Variants in SP3 observed in about 807,000 individuals in gnomAD.
SP3 encodes transcription factor Sp3.
In SP3, 10 loss-of-function variants were observed where a neutral mutation model predicts 70.3. The ratio of observed to expected loss-of-function variants is 0.14; its 90% CI spans 0.09 to 0.24. The LOEUF (loss-of-function observed/expected upper bound fraction) is 0.24. SP3 is among the 10% of genes least tolerant of loss of function. The pLI is 1.00. For synonymous variants in SP3, 402 were observed against 333.5 expected, an observed-to-expected ratio of 1.21 and a Z score of -2.24; for missense variants, 825 against 914.6, an observed-to-expected ratio of 0.90 and a Z score of 1.26.
intron 1 of SP3, 112 bp downstream of exon 1, chr2:173,965,053 A>T: frequency 7.2e-7 from 1 of 1,393,988 alleles, no homozygotes; most frequent in Non-Finnish European, 9.8e-7. Context: ...TCTCACAGAC[A>T]CTCGGTCGCA....
intron 4 of SP3, among the ~76,000 whole-genome samples, chr2:173,925,546 A>C (rs958421448): frequency 4.6e-5 from 7 of 152,210 alleles, no homozygotes; most frequent in Admixed American, 3.9e-4. Flanking sequence ...AAAAATTGTT[A>C]AGATGGTAAA....
intron 4 of SP3, among the ~76,000 whole-genome samples, chr2:173,927,037 G>C (rs1317760120): frequency 6.6e-6 from 1 of 152,090 alleles, no homozygotes; most frequent in African/African-American, 2.4e-5. Context: ...GAAGGCAAAA[G>C]GAGAGCTGGC....
chr2:173,938,764 A>C (rs1465101749), intron 4 of SP3, among the ~76,000 whole-genome samples: 1 of 152,160 alleles, frequency 6.6e-6, no homozygotes, highest in Non-Finnish European at 1.5e-5. Context: ...GAAAGATGTC[A>C]ACCTGAAGGT....
In SP3 at chr2:173,906,332, TTTC is replaced by T. The variant is rs1358992117; in HGVS notation, c.*3606_*3608del. On this transcript the variant is annotated 3_prime_UTR_variant, in exon 7 of 7. Coordinates refer to ENST00000310015, the MANE Select transcript of SP3 (RefSeq NM_003111.5). ...TGAACAAGGCAAGGGGCCAATGTTG[TTTC>T]TTCAACACTAAATAAAATTATGAGG... 6.6e-6 allele frequency: 1 copy of T among 152,194 alleles called. No homozygotes were observed. Among genetic ancestry groups the T allele is most frequent in the East Asian group, 1.9e-4 (1 of 5,198 alleles). The allele number at this position is 152,194 out of a possible 1,614,324, so 9.4% of individuals were successfully genotyped here.
Position 173,963,894 on chromosome 2 carries a change from T to G in SP3, c.157-11A>C. The stretch of plus-strand genomic sequence containing the variant: ...TGACGGCTGAGTGTCCTACCCCCAA[T>G]GGGCGGGTTCAGAGAGGGAGACAGG... On this transcript the variant is annotated splice_polypyrimidine_tract_variant and intron_variant, in intron 2 of 6. Coordinates refer to ENST00000310015, the MANE Select transcript of SP3 (RefSeq NM_003111.5). 4 of 1,463,054 alleles carry G rather than the reference T, an allele frequency of 2.7e-6. No individual in the cohort carries two copies. The highest frequency in any genetic ancestry group is 2.2e-5 in the Admixed American group (1 of 44,540). The allele number at this position is 1,463,054 out of a possible 1,614,324, so 90.6% of individuals were successfully genotyped here. A position where few individuals can be genotyped will look rare whatever the true frequency, so the allele number is the denominator to read the frequency against.
At chr2:173,958,988 T>G (rs188515734) in intron 3 of SP3, among the ~76,000 whole-genome samples, 1 of 152,268 alleles carries the variant, frequency 6.6e-6, no homozygotes, top group Admixed American at 6.5e-5. Flanking sequence ...GAGAATAGAT[T>G]TGAAAAACAT....
chr2:173,920,531 C>CGGG (rs1559092677), intron 4 of SP3, among the ~76,000 whole-genome samples: 1 of 151,782 alleles, frequency 6.6e-6, no homozygotes, highest in Non-Finnish European at 1.5e-5. Flanking sequence ...TGTGCAGGGG[C>CGGG]GGGGGGTAAG....
intron 5 of SP3, chr2:173,916,062 T>C (rs2105457231): frequency 6.6e-6 from 1 of 152,228 alleles, no homozygotes; most frequent in South Asian, 2.1e-4. Flanking sequence ...TTGGATTTAC[T>C]ACCTATGTTA....
At chr2:173,918,188 T>G (rs931816978) in intron 5 of SP3, among the ~76,000 whole-genome samples, 2 of 152,104 alleles carry the variant, frequency 1.3e-5, no homozygotes, top group East Asian at 3.8e-4. Context: ...GGCTTATTTT[T>G]CACTTCTAAG....
At position 173,962,196 on chromosome 2, in the gene SP3, T is replaced by A. The variant is rs144323895; in HGVS notation, c.279+1565A>T. 4.3e-4 allele frequency among the ~76,000 whole-genome samples: 65 copies of A among 152,314 alleles called. 1 individual carries two copies. The East Asian group carries it at 0.01, about 24-fold the overall frequency. ...TCTATCCTTGGGCCTCAGACTCACATATGTATGTACATACACATATTATTC... is the reference window on the plus strand; with the variant it reads ...TCTATCCTTGGGCCTCAGACTCACAAATGTATGTACATACACATATTATTC... On this transcript the variant is annotated intron_variant, in intron 3 of 6. Coordinates refer to ENST00000310015, the MANE Select transcript of SP3 (RefSeq NM_003111.5).
chr2:173,947,442 T>TA (rs774424903), intron 4 of SP3, among the ~76,000 whole-genome samples: 89 of 151,464 alleles, frequency 5.9e-4, no homozygotes, highest in East Asian at 2.5e-3. Flanking sequence ...ACTACCAGTT[T>TA]AAAAAAAAAG....
chr2:173,938,947 T>C (rs969311654), intron 4 of SP3, among the ~76,000 whole-genome samples: 1 of 152,136 alleles, frequency 6.6e-6, no homozygotes. Context: ...TTTTTTATTA[T>C]CACAACTGCC....
Position 173,907,293 on chromosome 2 carries a change from C to T in SP3, c.*2648G>A, listed in dbSNP as rs1689356336. The T allele has an allele frequency of 6.6e-6, 1 of 152,050 alleles. No homozygotes were observed. The highest frequency in any genetic ancestry group is 2.1e-4 in the South Asian group (1 of 4,816). The allele number at this position is 152,050 out of a possible 1,614,324, so 9.4% of individuals were successfully genotyped here. On this transcript the variant is annotated 3_prime_UTR_variant, in exon 7 of 7. Coordinates refer to ENST00000310015, the MANE Select transcript of SP3 (RefSeq NM_003111.5). The stretch of plus-strand genomic sequence containing the variant: ...TTGACAAAACACCTATTAGAGTATA[C>T]CTACCCTGAGAATTATACACAATAC...
chr2:173,941,471 A>G (rs1690371623), intron 4 of SP3, among the ~76,000 whole-genome samples: 1 of 152,180 alleles, frequency 6.6e-6, no homozygotes, highest in South Asian at 2.1e-4. Context: ...TTAGCCAGAC[A>G]TGGCAGCACA....
At position 173,903,847 on chromosome 2, in the gene SP3, C is replaced by G. The variant is rs188774161; in HGVS notation, c.*6094G>C. On this transcript the variant is annotated 3_prime_UTR_variant, in exon 7 of 7. Coordinates refer to ENST00000310015, the MANE Select transcript of SP3 (RefSeq NM_003111.5). ...GCCCACCCTTTCTGATTCATCCAAG[C>G]TATATACTAAGTTCTGCCTTGTCTA... Among the ~76,000 whole-genome samples the G allele has an allele frequency of 4.6e-5, 7 of 152,186 alleles. No individual in the cohort carries two copies. The highest frequency in any genetic ancestry group is 8.8e-5 in the Non-Finnish European group (6 of 68,038).
At chr2:173,948,520 C>G (rs1283486395) in intron 4 of SP3, among the ~76,000 whole-genome samples, 3 of 152,120 alleles carry the variant, frequency 2.0e-5, no homozygotes, top group Non-Finnish European at 4.4e-5. Flanking sequence ...CTATCCCTCA[C>G]TGATAAGGGG....
intron 4 of SP3, among the ~76,000 whole-genome samples, chr2:173,951,302 CAA>C (rs1318935952): frequency 3.3e-5 from 5 of 152,156 alleles, no homozygotes; most frequent in Non-Finnish European, 5.9e-5. Flanking sequence ...AACTCCTTTC[CAA>C]ACTTACACAT....
chr2:173,910,306 T>C (rs375735162), intron 6 of SP3, 49 bp from the exon 7 acceptor site: 10 of 1,519,222 alleles, frequency 6.6e-6, no homozygotes, highest in African/African-American at 4.1e-5. Context: ...TCAACTTTAA[T>C]AGCTCAATCA....
At chr2:173,910,674 C>G (rs1243607808) in intron 6 of SP3, among the ~76,000 whole-genome samples, 1 of 152,110 alleles carries the variant, frequency 6.6e-6, no homozygotes, top group Non-Finnish European at 1.5e-5. Flanking sequence ...GATACTAAAC[C>G]TTCAACTCTT....
Sources: gnomAD v4.1 joint callset for allele counts (sites outside exome capture counted in the v4.1 genomes callset) on GRCh38, gnomAD v4.1.1 for gene constraint, MANE v1.5 for transcripts, NCBI Gene and HGNC (gene_info 2026-07-23, HGNC 2026-07-21) for gene names.